Variants in EIF4G3 observed in about 807,000 individuals in gnomAD.
EIF4G3 encodes eukaryotic translation initiation factor 4 gamma 3.
In EIF4G3, 34 loss-of-function variants were observed where a neutral mutation model predicts 186.4. That is an observed-to-expected ratio of 0.18 (90% confidence interval 0.14 to 0.24). The LOEUF (loss-of-function observed/expected upper bound fraction) is 0.24. EIF4G3 is among the 10% of genes least tolerant of loss of function. The pLI is 1.00. For missense variants in EIF4G3, 1,536 were observed against 1,948.5 expected (o/e 0.79, Z 3.99); for synonymous variants, 673 against 679.5 (o/e 0.99, Z 0.15).
chr1:21,145,929 T>A (rs1221916143), intron 2 of EIF4G3, among the ~76,000 whole-genome samples: 2 of 152,028 alleles, frequency 1.3e-5, no homozygotes, highest in Admixed American at 1.3e-4. Context: ...AAAACATTTT[T>A]AAATTTTTTT....
At chr1:21,007,526 A>AAAAAAAAAAAAAAAAAAAAAAAAAAT in intron 4 of EIF4G3, among the ~76,000 whole-genome samples, 1 of 131,012 alleles carries the variant, frequency 7.6e-6, no homozygotes, top group Admixed American at 7.4e-5. Flanking sequence ...AAAAAAAAAA[A>AAAAAAAAAAAAAAAAAAAAAAAAAAT]AAAAAAAAAA....
chr1:21,145,407 T>A (rs1436553426), intron 2 of EIF4G3, among the ~76,000 whole-genome samples: 1 of 151,190 alleles, frequency 6.6e-6, no homozygotes, highest in Non-Finnish European at 1.5e-5. Context: ...CCAACATACC[T>A]CTTAAAAGTG....
At position 20,979,952 on chromosome 1, in the gene EIF4G3, A is replaced by G. The variant is rs766700245; in HGVS notation, c.493+382T>C. Among the ~76,000 whole-genome samples, 112 of 152,228 alleles carry G rather than the reference A, an allele frequency of 7.4e-4. 1 individual carries two copies. The highest frequency in any genetic ancestry group is 3.4e-3 in the Middle Eastern group (1 of 294). ...TTTTTAGTAGAGACGGGGTTTCACC[A>G]TGTTAGCCTGGATGGTCTCAATCTC... On this transcript the variant is annotated intron_variant, in intron 10 of 36. Transcript: ENST00000602326.
intron 11 of EIF4G3, among the ~76,000 whole-genome samples, chr1:20,972,187 C>A (rs1477357228): frequency 1.3e-5 from 2 of 152,156 alleles, no homozygotes; most frequent in Non-Finnish European, 2.9e-5. Context: ...TTATAAAAAA[C>A]AATTAGAATA....
At chr1:21,037,819 A>AT (rs2093325750) in intron 4 of EIF4G3, among the ~76,000 whole-genome samples, 1 of 152,238 alleles carries the variant, frequency 6.6e-6, no homozygotes, top group South Asian at 2.1e-4. Context: ...GGCAATATGT[A>AT]TCAAAAGGCA....
At chr1:20,989,042 AGAGAG>A (rs1558588533) in intron 7 of EIF4G3, among the ~76,000 whole-genome samples, 27 of 37,902 alleles carry the variant, frequency 7.1e-4, no homozygotes, top group Non-Finnish European at 1.0e-3. Flanking sequence ...TCCCCCAAAA[AGAGAG>A]GAGAGGAGAG....
At chr1:20,864,761 G>T in intron 21 of EIF4G3, 49 bp from the exon 22 acceptor site, 2 of 1,434,148 alleles carry the variant, frequency 1.4e-6, no homozygotes, top group Non-Finnish European at 1.9e-6. Flanking sequence ...AAGTTGTACT[G>T]CACAATAAAC....
At chr1:21,076,550 C>T (rs1452273350) in intron 3 of EIF4G3, among the ~76,000 whole-genome samples, 3 of 152,012 alleles carry the variant, frequency 2.0e-5, no homozygotes, top group African/African-American at 7.2e-5. Context: ...TCAAAATATG[C>T]TGCACAGCTA....
intron 14 of EIF4G3, among the ~76,000 whole-genome samples, chr1:20,918,283 C>T (rs1269239393): frequency 6.6e-6 from 1 of 152,186 alleles, no homozygotes; most frequent in Non-Finnish European, 1.5e-5. Context: ...AGTCACGGCT[C>T]ACTACACTCT....
At chr1:20,853,878 A>G (rs1441940806) in intron 26 of EIF4G3, among the ~76,000 whole-genome samples, 1 of 152,114 alleles carries the variant, frequency 6.6e-6, no homozygotes, top group Non-Finnish European at 1.5e-5. Context: ...AGAAGTCTTT[A>G]TTTATTTCAA....
intron 21 of EIF4G3, 127 bp from the exon 22 acceptor site, chr1:20,864,839 A>G (rs1228133142): frequency 5.4e-6 from 5 of 922,422 alleles, no homozygotes; most frequent in Non-Finnish European, 8.3e-6. Context: ...CTGCTCAGAA[A>G]ACTGAACTAT....
intron 2 of EIF4G3, among the ~76,000 whole-genome samples, chr1:21,133,801 C>T (rs9426731): frequency 0.034 from 5,104 of 152,248 alleles, 292 homozygotes; most frequent in African/African-American, 0.11. Flanking sequence ...CAGGATGATT[C>T]CGGGCACTTT....
intron 2 of EIF4G3, among the ~76,000 whole-genome samples, chr1:21,152,983 G>C (rs2097576418): frequency 6.6e-6 from 1 of 152,246 alleles, no homozygotes; most frequent in East Asian, 1.9e-4. Flanking sequence ...GGGAAACAAA[G>C]GAATATGCTG....
chr1:20,875,325 C>A (rs906734972), intron 20 of EIF4G3, among the ~76,000 whole-genome samples: 7 of 152,144 alleles, frequency 4.6e-5, no homozygotes. Flanking sequence ...TGAAAAGGGT[C>A]TAAGGTGTAT....
chr1:20,965,284 T>C (rs2154565001), intron 12 of EIF4G3, among the ~76,000 whole-genome samples: 1 of 152,302 alleles, frequency 6.6e-6, no homozygotes, highest in Admixed American at 6.5e-5. Context: ...TCCCCATGTA[T>C]ACTCAATATT....
At chr1:20,938,146 C>T (rs545448558) in intron 14 of EIF4G3, among the ~76,000 whole-genome samples, 7 of 152,084 alleles carry the variant, frequency 4.6e-5, no homozygotes, top group African/African-American at 1.7e-4. Context: ...ACAGGCGCAT[C>T]ACCACTCCTG....
intron 3 of EIF4G3, among the ~76,000 whole-genome samples, chr1:21,087,382 G>T (rs1215798967): frequency 6.6e-6 from 1 of 152,116 alleles, no homozygotes; most frequent in Non-Finnish European, 1.5e-5. Context: ...CAGCACTTTC[G>T]TAGGCCAAGG....
intron 30 of EIF4G3, among the ~76,000 whole-genome samples, chr1:20,834,496 T>C (rs1397930206): frequency 6.6e-6 from 1 of 152,000 alleles, no homozygotes. Flanking sequence ...TATAAGAGAT[T>C]CACTTTACTA....
chr1:20,902,681 T>C (rs2090758429), intron 15 of EIF4G3, among the ~76,000 whole-genome samples: 1 of 152,178 alleles, frequency 6.6e-6, no homozygotes, highest in South Asian at 2.1e-4. Context: ...CGTTCTGTTG[T>C]CCAGGCTGGA....
Sources: allele counts gnomAD v4.1 joint callset (sites outside exome capture counted in the v4.1 genomes callset), GRCh38; gene constraint gnomAD v4.1.1; transcripts MANE v1.5; gene names NCBI Gene and HGNC (gene_info 2026-07-23, HGNC 2026-07-21).